HAS3: variants seen among roughly 807,000 people sequenced by gnomAD.
HAS3 encodes HA synthase 3.
Under a neutral mutation model 50.3 loss-of-function variants are expected in HAS3, and 27 were observed. The ratio of observed to expected loss-of-function variants is 0.54; its 90% confidence interval spans 0.40 to 0.74. The LOEUF is 0.74. Among genes scored for constraint, HAS3 ranks in the 30% least tolerant of loss-of-function variants. HAS3 has a pLI of 0.00. For missense variants in HAS3, 517 were observed against 742.8 expected (o/e 0.70, Z 3.53); for synonymous variants, 339 against 310.9 (o/e 1.09, Z -0.95).
chr16:69,101,025 GCCT>G (rs1339768459), upstream of HAS3, among the ~76,000 whole-genome samples: 2 of 152,104 alleles, frequency 1.3e-5, no homozygotes, highest in African/African-American at 4.8e-5. Flanking sequence ...TGTTGCATCT[GCCT>G]CCTAACAGAT....
downstream of HAS3, chr16:69,118,366 A>AGGT (rs1484234390): frequency 1.2e-6 from 2 of 1,606,626 alleles, no homozygotes; most frequent in Non-Finnish European, 1.7e-6. Flanking sequence ...CCCCAGGGAA[A>AGGT]GGTATGGCAG....
At chr16:69,098,382 A>G in the HAS3 span, among the ~76,000 whole-genome samples, 4 of 151,672 alleles carry the variant, frequency 2.6e-5, no homozygotes, top group South Asian at 8.3e-4. Context: ...AAAAAAAAAA[A>G]GGAAATCCTG....
chr16:69,092,420 T>C, the HAS3 span, among the ~76,000 whole-genome samples: 1 of 151,902 alleles, frequency 6.6e-6, no homozygotes, highest in Non-Finnish European at 1.5e-5. Flanking sequence ...CTGGCCAACA[T>C]AGTGAAACAC....
rs925100246 is a variant in HAS3 at position 69,107,471 on chromosome 16, C to T, written c.-1+1684C>T. 9.1e-6 allele frequency: 9 copies of T among 985,524 alleles called. No individual in the cohort carries two copies. The highest frequency in any genetic ancestry group is 1.7e-5 in the African/African-American group (1 of 57,246). 61.0% of individuals were successfully genotyped at this position (985,524 alleles called of 1,614,324 possible). A position where few individuals can be genotyped will look rare whatever the true frequency, so the allele number is the denominator to read the frequency against. ...CCTTCCCGGTTGGGTCGTGGGAAAG[C>T]GGCACGTGGGTGTGGCCGGCGCCGC... On this transcript the variant is annotated intron_variant, in intron 1 of 3. Coordinates refer to ENST00000569188, the MANE Select transcript of HAS3 (RefSeq NM_001199280.2). This position sits in a 1 kb window ranked among gnomAD's most constrained non-coding sequence, Gnocchi z 5.5.
the HAS3 span, among the ~76,000 whole-genome samples, chr16:69,088,169 T>C: frequency 7.6e-4 from 115 of 152,272 alleles, no homozygotes; most frequent in African/African-American, 2.6e-3. Flanking sequence ...GATGCTGCAC[T>C]GGGCCCTGAG....
At chr16:69,118,416 C>A (rs113161750), downstream of HAS3, 7 of 1,613,466 alleles carry the variant, frequency 4.3e-6, no homozygotes, top group Non-Finnish European at 5.9e-6. Flanking sequence ...GTCAGAGCTA[C>A]GGAAGCATGG....
chr16:69,118,147 ATTC>A (rs2152263190), downstream of HAS3: 4 of 489,840 alleles, frequency 8.2e-6, no homozygotes, highest in Non-Finnish European at 1.4e-5. Context: ...TAATTCCCAT[ATTC>A]CCATCCACAT....
chr16:69,105,145 T>C (rs544062168), upstream of HAS3, among the ~76,000 whole-genome samples: 6 of 151,986 alleles, frequency 3.9e-5, no homozygotes, highest in African/African-American at 1.2e-4. Context: ...GTAGCTGGGA[T>C]TACGGGCATG....
the HAS3 span, chr16:69,085,032 T>C: frequency 1.3e-5 from 2 of 152,330 alleles, no homozygotes; most frequent in Admixed American, 6.5e-5. Flanking sequence ...TTAAGGAATA[T>C]TTCCATTCAG....
chr16:69,091,299 G>A, the HAS3 span, among the ~76,000 whole-genome samples: 1 of 152,120 alleles, frequency 6.6e-6, no homozygotes, highest in Admixed American at 6.6e-5. Flanking sequence ...GGCTTCCATT[G>A]TTTGGGTAAA....
chr16:69,116,085 C>T lies in HAS3; in HGVS notation c.*819C>T. The T allele has an allele frequency of 5.1e-6, 5 of 985,466 alleles. No homozygotes were observed. The highest frequency in any genetic ancestry group is 4.8e-6 in the Non-Finnish European group (4 of 829,838). 61.0% of individuals were successfully genotyped at this position (985,466 alleles called of 1,614,324 possible). Reference sequence around the variant, plus strand: ...CTGCTGGGGAGATAAAAAGATTAAGCCCCAACATGTTCAGAAAAGAAGTGA... The same window carrying T: ...CTGCTGGGGAGATAAAAAGATTAAGTCCCAACATGTTCAGAAAAGAAGTGA... On this transcript the variant is annotated 3_prime_UTR_variant, in exon 4 of 4. Coordinates refer to ENST00000569188, the MANE Select transcript of HAS3 (RefSeq NM_001199280.2).
chr16:69,106,692 G>A lies in HAS3; in HGVS notation c.-1+905G>A, dbSNP rs1369931453. The A allele has an allele frequency of 6.6e-6, 1 of 152,232 alleles. No individual in the cohort carries two copies. The highest frequency in any genetic ancestry group is 1.5e-5 in the Non-Finnish European group (1 of 68,084). 9.4% of individuals were successfully genotyped at this position (152,232 alleles called of 1,614,324 possible). A position where few individuals can be genotyped will look rare whatever the true frequency, so the allele number is the denominator to read the frequency against. On this transcript the variant is annotated intron_variant, in intron 1 of 3. Transcript: ENST00000569188. The surrounding 1 kb of genome is among the most constrained non-coding windows in gnomAD (Gnocchi z 5.5). ...CCGCACCTTCTACGACCTCCCGGGG[G>A]TTTGCACCTGTCCGGGCACCAAGGT...
chr16:69,113,601 T>C (rs1447346481), intron 3 of HAS3, 59 bp downstream of exon 3: 76 of 1,010,234 alleles, frequency 7.5e-5, no homozygotes, highest in Non-Finnish European at 1.1e-4. Flanking sequence ...CCTAATCCAA[T>C]TGGATATGCC....
the HAS3 span, among the ~76,000 whole-genome samples, chr16:69,087,600 T>A: frequency 3.3e-5 from 5 of 151,670 alleles, no homozygotes; most frequent in Non-Finnish European, 7.4e-5. Flanking sequence ...GGGTTTCACC[T>A]TCTTGGCCAG....
Position 69,114,527 on chromosome 16 carries a change from T to C in HAS3, c.923T>C (p.Leu308Pro). Reference protein sequence around the residue: ...FLEDWYHQKFLGSKCSFGDDR... With the variant: ...FLEDWYHQKFPGSKCSFGDDR... ...GAGGACTGGTACCATCAGAAGTTCC[T>C]AGGCAGCAAGTGCAGCTTCGGGGAT... The change falls in exon 4 of 4, where the codon CTA (leucine) becomes CCA (proline). Residue 308 changes from leucine to proline, a missense_variant. By Grantham distance (98) the Leu-to-Pro change is moderately conservative. Coordinates refer to ENST00000569188, the MANE Select transcript of HAS3 (RefSeq NM_001199280.2). The surrounding 1 kb of genome is among the most constrained non-coding windows in gnomAD (Gnocchi z 6.4). The C allele has an allele frequency of 1.9e-6, 3 of 1,614,110 alleles. No homozygotes were observed. The highest frequency in any genetic ancestry group is 1.7e-6 in the Non-Finnish European group (2 of 1,180,010).
the HAS3 span, among the ~76,000 whole-genome samples, chr16:69,092,330 G>A: frequency 5.9e-5 from 9 of 152,174 alleles, no homozygotes; most frequent in East Asian, 7.7e-4. Flanking sequence ...TGGTTCCCAC[G>A]TGGTGGTCAC....
rs780413733 is a variant in HAS3, at chr16:69,114,611, G to A, written c.1007G>A (p.Arg336His). The A allele has an allele frequency of 2.7e-5, 43 of 1,613,848 alleles. No individual in the cohort carries two copies. Among genetic ancestry groups the A allele is most frequent in the African/African-American group, 4.0e-5 (3 of 74,874 alleles). Residue 336 changes from arginine to histidine, a missense_variant, in exon 4 of 4, where the codon CGC becomes CAC. By Grantham distance (29) the Arg-to-His change is conservative (BLOSUM62 0). Coordinates refer to ENST00000569188, the MANE Select transcript of HAS3 (RefSeq NM_001199280.2). The surrounding 1 kb of genome is among the most constrained non-coding windows in gnomAD (Gnocchi z 6.4). Reference protein sequence around the residue: ...SLGYRTKYTARSKCLTETPTK... With the variant: ...SLGYRTKYTAHSKCLTETPTK... ...GGCTACCGAACTAAGTATACCGCGC[G>A]CTCCAAGTGCCTCACAGAGACCCCC...
chr16:69,098,726 C>T, the HAS3 span, among the ~76,000 whole-genome samples: 1 of 137,742 alleles, frequency 7.3e-6, no homozygotes, highest in East Asian at 2.1e-4. Flanking sequence ...AGTGCAGTGG[C>T]ACAATCTCGG....
the HAS3 span, among the ~76,000 whole-genome samples, chr16:69,100,059 G>T: frequency 1.3e-5 from 2 of 152,106 alleles, no homozygotes; most frequent in African/African-American, 4.8e-5. Context: ...GAAATGAAAC[G>T]ATTCTTCCAT....
Sources: gnomAD v4.1 joint callset for allele counts (sites outside exome capture counted in the v4.1 genomes callset) on GRCh38, gnomAD v4.1.1 for gene constraint, Gnocchi (gnomAD v3.1) non-coding constraint, MANE v1.5 for transcripts, NCBI Gene and HGNC (gene_info 2026-07-23, HGNC 2026-07-21) for gene names.